The following PID1 variants were observed in gnomAD, a reference collection of about 807,000 sequenced individuals.
The protein encoded by PID1 is PTB-containing, cubilin and LRP1-interacting protein.
A neutral mutation model predicts 19.1 loss-of-function variants in PID1; 10 were observed. That is an observed-to-expected ratio of 0.52 (90% CI 0.32 to 0.89). The LOEUF is 0.89. Among genes scored for constraint, PID1 ranks in the 40% least tolerant of loss-of-function variants. PID1 has a pLI of 0.03. For synonymous variants in PID1, 130 were observed against 116.0 expected (o/e 1.12, Z -0.78); for missense variants, 248 against 285.3 (o/e 0.87, Z 0.94).
chr2:229,070,287 T>G (rs1393396055), intron 2 of PID1, among the ~76,000 whole-genome samples: 1 of 152,180 alleles, frequency 6.6e-6, no homozygotes, highest in Non-Finnish European at 1.5e-5. Context: ...AAGTGGCCAC[T>G]TACTAGTTAT....
At chr2:229,158,965 T>C (rs1690438821) in intron 1 of PID1, among the ~76,000 whole-genome samples, 1 of 151,950 alleles carries the variant, frequency 6.6e-6, no homozygotes, top group South Asian at 2.1e-4. Context: ...AAGGCAGGGA[T>C]GGTTAATGGG....
In PID1 at chr2:229,025,012, G is replaced by C. The variant is rs907243828; in HGVS notation, c.*620C>G. The C allele has an allele frequency of 1.4e-4, 22 of 153,500 alleles. No homozygotes were observed. Among genetic ancestry groups the C allele is most frequent in the African/African-American group, 5.1e-4 (21 of 41,440 alleles). 9.5% of individuals were successfully genotyped at this position (153,500 alleles called of 1,614,324 possible). On this transcript the variant is annotated 3_prime_UTR_variant, in exon 3 of 3. Transcript: ENST00000392055. ...AATAGATGAAGTGAATACAATAAGA[G>C]GGTACTACTTGGTATATTTATGTAA...
chr2:229,176,172 AC>A (rs1373932787), intron 1 of PID1, among the ~76,000 whole-genome samples: 97 of 142,046 alleles, frequency 6.8e-4, no homozygotes, highest in African/African-American at 1.6e-3. Flanking sequence ...AAAAAAAAAA[AC>A]AAAACAAAAC....
chr2:229,139,541 G>A (rs1275238889), intron 2 of PID1, among the ~76,000 whole-genome samples: 1 of 151,962 alleles, frequency 6.6e-6, no homozygotes, highest in African/African-American at 2.4e-5. Context: ...AACAAACAAC[G>A]AACAAAAAAG....
intron 2 of PID1, among the ~76,000 whole-genome samples, chr2:229,102,458 C>G (rs1418966944): frequency 6.6e-6 from 1 of 152,120 alleles, no homozygotes; most frequent in Non-Finnish European, 1.5e-5. Flanking sequence ...GAGGAAGAAC[C>G]ATGTGGGCCC....
intron 1 of PID1, among the ~76,000 whole-genome samples, chr2:229,254,573 G>C (rs993320595): frequency 3.3e-5 from 5 of 152,174 alleles, no homozygotes; most frequent in African/African-American, 1.2e-4. Context: ...GGGCTGCTAG[G>C]AAGCTCAGAC....
intron 2 of PID1, among the ~76,000 whole-genome samples, chr2:229,068,153 T>C (rs1484043399): frequency 2.0e-5 from 3 of 152,168 alleles, no homozygotes; most frequent in Non-Finnish European, 4.4e-5. Context: ...ATGAGCTCCA[T>C]GTAATGCACA....
intron 2 of PID1, among the ~76,000 whole-genome samples, chr2:229,032,657 G>A (rs1181978754): frequency 1.3e-5 from 2 of 152,228 alleles, no homozygotes; most frequent in African/African-American, 4.8e-5. Context: ...GCTGGAAATT[G>A]CGGTAAATAC....
chr2:229,129,583 GA>G (rs1689679431), intron 2 of PID1, among the ~76,000 whole-genome samples: 1 of 152,066 alleles, frequency 6.6e-6, no homozygotes, highest in Non-Finnish European at 1.5e-5. Context: ...TTGGGCTCTG[GA>G]TAACTATATT....
In PID1 at chr2:229,219,564, C is replaced by T. The variant is rs191667943; in HGVS notation, c.30+51450G>A. Among the ~76,000 whole-genome samples the T allele has an allele frequency of 8.3e-3, 1,270 of 152,254 alleles. 8 individuals are homozygous for T. The highest frequency in any genetic ancestry group is 0.011 in the Non-Finnish European group (777 of 68,016). On this transcript the variant is annotated intron_variant, in intron 1 of 2. Transcript: ENST00000392055. ...GGACACAGCCAAACCATATCAGCCT[C>T]GCTTTGTTGCCCAGGCTGGAATGCA...
chr2:229,133,049 T>C (rs1237416559), intron 2 of PID1, among the ~76,000 whole-genome samples: 1 of 152,226 alleles, frequency 6.6e-6, no homozygotes, highest in Non-Finnish European at 1.5e-5. Flanking sequence ...CTGTGTTATC[T>C]TGGTAAGATG....
At chr2:229,087,015 T>C (rs912542454) in intron 2 of PID1, among the ~76,000 whole-genome samples, 3 of 152,094 alleles carry the variant, frequency 2.0e-5, no homozygotes, top group Non-Finnish European at 4.4e-5. Context: ...TTTTAGCTTT[T>C]CAAATAACTG....
chr2:229,148,434 G>C (rs762956504), intron 2 of PID1, among the ~76,000 whole-genome samples: 57 of 152,274 alleles, frequency 3.7e-4, no homozygotes, highest in Non-Finnish European at 5.1e-4. Flanking sequence ...GACTCCACTG[G>C]AACAAGGAGG....
At chr2:229,193,086 T>G (rs185592831) in intron 1 of PID1, among the ~76,000 whole-genome samples, 22 of 152,340 alleles carry the variant, frequency 1.4e-4, no homozygotes, top group South Asian at 4.1e-4. Flanking sequence ...TTTTACTCTA[T>G]CTTGTGATTT....
intron 2 of PID1, among the ~76,000 whole-genome samples, chr2:229,125,519 C>A (rs1315952262): frequency 1.3e-5 from 2 of 152,016 alleles, no homozygotes; most frequent in Non-Finnish European, 2.9e-5. Context: ...TTTGGTCAGA[C>A]CATGTTGCAG....
At chr2:229,142,100 G>C (rs1690027720) in intron 2 of PID1, among the ~76,000 whole-genome samples, 1 of 151,948 alleles carries the variant, frequency 6.6e-6, no homozygotes, top group South Asian at 2.1e-4. Flanking sequence ...TATCTTATTT[G>C]TTACCATTTT....
chr2:229,184,937 T>A (rs149231215), intron 1 of PID1, among the ~76,000 whole-genome samples: 3,659 of 127,176 alleles, frequency 0.029, 148 homozygotes, highest in African/African-American at 0.086. Context: ...GTATCCCATA[T>A]ATATATCCTA....
intron 2 of PID1, among the ~76,000 whole-genome samples, chr2:229,134,227 C>T (rs533293978): frequency 0.016 from 1,612 of 98,682 alleles, 97 homozygotes; most frequent in Admixed American, 0.16. Flanking sequence ...TGTTTACTAC[C>T]TGTGTTTTTT....
At chr2:229,050,802 G>A (rs1030101968) in intron 2 of PID1, among the ~76,000 whole-genome samples, 2 of 151,678 alleles carry the variant, frequency 1.3e-5, no homozygotes, top group Non-Finnish European at 2.9e-5. Context: ...TGTCTTGGGA[G>A]TGGCATAAAG....
Sources: allele counts gnomAD v4.1 joint callset (sites outside exome capture counted in the v4.1 genomes callset), GRCh38; gene constraint gnomAD v4.1.1; transcripts MANE v1.5; gene names NCBI Gene and HGNC (gene_info 2026-07-23, HGNC 2026-07-21).